Variants in CPSF4 observed in about 807,000 individuals in gnomAD.
CPSF4 encodes the protein cleavage and polyadenylation specificity factor subunit 4.
In CPSF4, 11 loss-of-function variants were observed where a neutral mutation model predicts 37.7. The ratio of observed to expected loss-of-function variants is 0.29; its 90% confidence interval spans 0.18 to 0.48. The LOEUF (loss-of-function observed/expected upper bound fraction) is 0.48, where lower values mean the gene tolerates loss of function less well. CPSF4 is among the 20% of genes least tolerant of loss of function. The probability of loss-of-function intolerance (pLI) is 0.99; values close to 1 mark genes in which losing one functional copy is unlikely to be tolerated. For missense variants in CPSF4, 144 were observed against 359.5 expected, an observed-to-expected ratio of 0.40 and a Z score of 4.85; for synonymous variants, 132 against 135.9, an observed-to-expected ratio of 0.97 and a Z score of 0.20.
chr7:99,452,328 C>A, intron 5 of CPSF4, 40 bp from the exon 6 acceptor site: 5 of 1,564,930 alleles, frequency 3.2e-6, no homozygotes, highest in Non-Finnish European at 4.4e-6. Flanking sequence ...TGACCCCACT[C>A]CTTCTCTTGT....
chr7:99,449,197 T>C (rs575354137), intron 3 of CPSF4: 1 of 152,404 alleles, frequency 6.6e-6, no homozygotes, highest in East Asian at 1.9e-4. Flanking sequence ...AGCACTGCTG[T>C]TGGAGGAGAC....
In CPSF4 at chr7:99,453,500, CCCT is replaced by C; in HGVS notation, c.571-459_571-457del. On this transcript the variant is annotated intron_variant, in intron 6 of 7. Transcript: ENST00000292476. This position sits in a 1 kb window ranked among gnomAD's most constrained non-coding sequence, Gnocchi z 4.7. ...GGAATCCCTACCCCAGGAGCCCTGG[CCCT>C]CCTCCTGGTGGGGCTCCCTAGAGGA... The C allele has an allele frequency of 6.5e-6, 1 of 152,836 alleles. No homozygotes were observed. The highest frequency in any genetic ancestry group is 1.9e-4 in the East Asian group (1 of 5,162). 9.5% of individuals were successfully genotyped at this position (152,836 alleles called of 1,614,324 possible). A position where few individuals can be genotyped will look rare whatever the true frequency, so the allele number is the denominator to read the frequency against.
At chr7:99,447,138 T>G (rs1797576453) in intron 2 of CPSF4, among the ~76,000 whole-genome samples, 1 of 151,976 alleles carries the variant, frequency 6.6e-6, no homozygotes, top group Non-Finnish European at 1.5e-5. Context: ...TATTTATTTA[T>G]GTAGTGAAGA....
At chr7:99,456,381 AAC>A in intron 7 of CPSF4, 49 bp from the exon 8 acceptor site, 2 of 1,553,214 alleles carry the variant, frequency 1.3e-6, no homozygotes, top group Non-Finnish European at 1.8e-6. Context: ...ACTGCATTTG[AAC>A]AGTGTTGTTG....
Position 99,442,453 on chromosome 7 carries a change from G to A in CPSF4, c.104-2336G>A, listed in dbSNP as rs541710164. 2.8e-3 allele frequency among the ~76,000 whole-genome samples: 429 copies of A among 151,830 alleles called. 1 individual carries two copies. Among genetic ancestry groups the A allele is most frequent in the African/African-American group, 1.0e-2 (414 of 41,410 alleles). On this transcript the variant is annotated intron_variant, in intron 1 of 7. Coordinates refer to ENST00000292476, the MANE Select transcript of CPSF4 (RefSeq NM_006693.4). ...GGGCGGATCACGAGGTCAGGAGATC[G>A]AGACCATCCTGGCTAACACGGTGAA...
rs755817381 is a variant in CPSF4 at position 99,456,452 on chromosome 7, C to T, written c.762C>T (p.Tyr254=). 2.2e-5 allele frequency: 36 copies of T among 1,614,044 alleles called. No individual in the cohort carries two copies. Among genetic ancestry groups the T allele is most frequent in the Middle Eastern group, 1.6e-4 (1 of 6,084 alleles). ...CCCAGTGTGGCGAGAAAGGACACTACGCCAACAGATGCACCAAAGGGCACT... is the reference window on the plus strand; with the variant it reads ...CCCAGTGTGGCGAGAAAGGACACTATGCCAACAGATGCACCAAAGGGCACT... ...TCYKCGEKGH[Y]ANRCTKGHLA... Residue 254 remains tyrosine (Y), a synonymous_variant, in exon 8 of 8, where the codon TAC becomes TAT. Transcript: ENST00000292476.
chr7:99,442,023 G>A (rs987647180), intron 1 of CPSF4, among the ~76,000 whole-genome samples: 4 of 152,126 alleles, frequency 2.6e-5, no homozygotes, highest in Non-Finnish European at 5.9e-5. Flanking sequence ...CAAATGGAGT[G>A]ACCTCCCTGT....
chr7:99,450,335 G>C lies in CPSF4; in HGVS notation c.367G>C (p.Asp123His), dbSNP rs1351033285. The C allele has an allele frequency of 6.2e-7, 1 of 1,613,874 alleles. No homozygotes were observed. The highest frequency in any genetic ancestry group is 1.1e-5 in the South Asian group (1 of 91,062). Residue 123 changes from aspartate (D) to histidine (H), a missense_variant, in exon 4 of 8, where the codon GAC becomes CAC. Physicochemically the swap from Asp to His is moderately conservative, Grantham distance 81. Around this residue, in one of 4 missense-constraint regions of CPSF4, gnomAD observed 12 missense variants for 100.9 expected, o/e 0.12. Transcript: ENST00000292476. ...LHIDPESKIK[D>H]CPWYDRGFCK... Reference sequence around the variant, plus strand: ...CATCGACCCCGAGTCCAAGATCAAGGACTGTCCTTGGTATGACCGTGGCTT... The same window carrying C: ...CATCGACCCCGAGTCCAAGATCAAGCACTGTCCTTGGTATGACCGTGGCTT...
intron 1 of CPSF4, among the ~76,000 whole-genome samples, chr7:99,440,047 T>C (rs146312866): frequency 8.0e-4 from 122 of 152,330 alleles, no homozygotes; most frequent in Non-Finnish European, 1.2e-3. Flanking sequence ...TAGTTTTCTT[T>C]GTGTCTTCTT....
intron 1 of CPSF4, chr7:99,441,250 C>T (rs771579287): frequency 9.5e-5 from 35 of 367,022 alleles, no homozygotes; most frequent in Admixed American, 6.9e-4. Flanking sequence ...TGTGCCCAGC[C>T]GGCCTTTTCC....
chr7:99,443,901 A>C (rs1394866386), intron 1 of CPSF4, among the ~76,000 whole-genome samples: 1 of 152,138 alleles, frequency 6.6e-6, no homozygotes, highest in Non-Finnish European at 1.5e-5. Flanking sequence ...CCTGGGCGAC[A>C]GAGCGAGACT....
intron 2 of CPSF4, 51 bp downstream of exon 2, chr7:99,444,890 CCTT>C: frequency 6.5e-7 from 1 of 1,535,496 alleles, no homozygotes; most frequent in Non-Finnish European, 9.0e-7. Flanking sequence ...CCTCCCACCT[CCTT>C]CTCCCCGGCA....
At chr7:99,445,948 G>A (rs748364463) in intron 2 of CPSF4, among the ~76,000 whole-genome samples, 42 of 152,088 alleles carry the variant, frequency 2.8e-4, no homozygotes, top group Non-Finnish European at 5.6e-4. Context: ...AACTTTCCAT[G>A]GTCTGGGCAT....
At chr7:99,440,783 G>A (rs1351156646) in intron 1 of CPSF4, among the ~76,000 whole-genome samples, 2 of 148,040 alleles carry the variant, frequency 1.4e-5, no homozygotes, top group South Asian at 4.2e-4. Flanking sequence ...ACAAGATAGT[G>A]CTTATAAGGA....
chr7:99,447,091 C>A (rs1399372989), intron 2 of CPSF4, among the ~76,000 whole-genome samples: 1 of 146,498 alleles, frequency 6.8e-6, no homozygotes, highest in East Asian at 2.0e-4. Context: ...GTGCCTGGTC[C>A]CCAAGCTTGC....
chr7:99,439,307 A>G, intron 1 of CPSF4, 122 bp downstream of exon 1: 1 of 660,000 alleles, frequency 1.5e-6, no homozygotes, highest in African/African-American at 1.9e-5. Context: ...GGATCCTGGG[A>G]CCCCTCCCCT....
At chr7:99,442,790 T>C (rs1369271461) in intron 1 of CPSF4, 3 of 720,240 alleles carry the variant, frequency 4.2e-6, no homozygotes, top group East Asian at 2.6e-5. Context: ...TGCTCCCTCA[T>C]TGCAAGGCAA....
chr7:99,447,505 C>T (rs1029543614), intron 2 of CPSF4, among the ~76,000 whole-genome samples: 4 of 151,442 alleles, frequency 2.6e-5, no homozygotes, highest in African/African-American at 4.9e-5. Context: ...CTCCTGACCT[C>T]GTGATCTACC....
chr7:99,451,212 A>G (rs1354040401), intron 5 of CPSF4: 1 of 161,720 alleles, frequency 6.2e-6, no homozygotes, highest in Non-Finnish European at 1.4e-5. Context: ...TCTAACAGTG[A>G]GGGTAGGAGA....
Sources: gnomAD v4.1 joint callset for allele counts (sites outside exome capture counted in the v4.1 genomes callset) on GRCh38, gnomAD v4.1.1 for gene constraint, gnomAD v4.1.1 regional missense constraint, Gnocchi (gnomAD v3.1) non-coding constraint, MANE v1.5 for transcripts, NCBI Gene and HGNC (gene_info 2026-07-23, HGNC 2026-07-21) for gene names.